The following DPYD variants were observed in gnomAD, a reference collection of about 807,000 sequenced individuals.
DPYD encodes the protein dihydropyrimidine dehydrogenase [NADP(+)].
In DPYD, 109 loss-of-function variants were observed where a neutral mutation model predicts 116.2. That is an observed-to-expected ratio of 0.94 (90% CI 0.80 to 1.10). The LOEUF is 1.10. Among genes scored for constraint, DPYD ranks in the 50% least tolerant of loss-of-function variants. The pLI, the probability that DPYD is intolerant of heterozygous loss-of-function variation, is 0.00. For missense variants in DPYD, 1,302 were observed against 1,254.5 expected, an observed-to-expected ratio of 1.04 and a Z score of -0.57; for synonymous variants, 440 against 432.0, an observed-to-expected ratio of 1.02 and a Z score of -0.23.
At chr1:97,351,836 T>TAAAAGGAAC (rs1670162490) in intron 16 of DPYD, among the ~76,000 whole-genome samples, 1 of 151,978 alleles carries the variant, frequency 6.6e-6, no homozygotes, top group Non-Finnish European at 1.5e-5. Context: ...GAAAAACATT[T>TAAAAGGAAC]AAAAGGAACA....
chr1:97,686,411 C>T (rs955167257), intron 7 of DPYD, among the ~76,000 whole-genome samples: 5 of 151,570 alleles, frequency 3.3e-5, no homozygotes, highest in African/African-American at 7.3e-5. Context: ...CCGAGGCGGG[C>T]GGATCACGAG....
chr1:97,819,911 A>G (rs200222124), intron 3 of DPYD, among the ~76,000 whole-genome samples: 1 of 152,128 alleles, frequency 6.6e-6, no homozygotes, highest in East Asian at 1.9e-4. Context: ...CACACATGTA[A>G]TATCTATATA....
At chr1:97,517,926 T>C (rs1425133304) in intron 12 of DPYD, among the ~76,000 whole-genome samples, 15 of 152,098 alleles carry the variant, frequency 9.9e-5, no homozygotes, top group Admixed American at 9.8e-4. Flanking sequence ...TTTTCAATCT[T>C]ACAGATGAAT....
intron 16 of DPYD, among the ~76,000 whole-genome samples, chr1:97,323,536 ATAT>A (rs1668502553): frequency 3.8e-5 from 5 of 132,664 alleles, no homozygotes; most frequent in African/African-American, 1.4e-4. Flanking sequence ...ATATATATAC[ATAT>A]CATATATATA....
chr1:97,500,308 C>G (rs940224889), intron 13 of DPYD, among the ~76,000 whole-genome samples: 1 of 151,946 alleles, frequency 6.6e-6, no homozygotes, highest in Non-Finnish European at 1.5e-5. Context: ...CATGACAAAA[C>G]TGCATAAACA....
chr1:97,424,398 A>G (rs1674750812), intron 14 of DPYD, among the ~76,000 whole-genome samples: 1 of 151,990 alleles, frequency 6.6e-6, no homozygotes, highest in Non-Finnish European at 1.5e-5. Flanking sequence ...TGGTCAGAAT[A>G]CTACTGGGAA....
At chr1:97,284,382 A>C (rs1665524749) in intron 18 of DPYD, among the ~76,000 whole-genome samples, 1 of 152,064 alleles carries the variant, frequency 6.6e-6, no homozygotes, top group Admixed American at 6.5e-5. Context: ...GTGATACTGA[A>C]ATTTTAGAAT....
intron 12 of DPYD, among the ~76,000 whole-genome samples, chr1:97,531,861 T>C (rs1443795070): frequency 2.0e-5 from 3 of 152,152 alleles, no homozygotes; most frequent in Non-Finnish European, 4.4e-5. Context: ...TATTCCTAAG[T>C]ACTTTATTCT....
chr1:97,132,982 T>C (rs1653449377), intron 20 of DPYD, among the ~76,000 whole-genome samples: 1 of 151,822 alleles, frequency 6.6e-6, no homozygotes, highest in Non-Finnish European at 1.5e-5. Flanking sequence ...ATGAATATTA[T>C]TTTTTTTGCT....
intron 1 of DPYD, among the ~76,000 whole-genome samples, chr1:97,907,129 A>T (rs892601535): frequency 1.3e-5 from 2 of 152,092 alleles, no homozygotes; most frequent in Non-Finnish European, 2.9e-5. Flanking sequence ...ACAATGAAAG[A>T]TTTCATCACA....
At chr1:97,802,262 T>A (rs897897191) in intron 3 of DPYD, among the ~76,000 whole-genome samples, 4 of 151,932 alleles carry the variant, frequency 2.6e-5, no homozygotes, top group Admixed American at 2.0e-4. Context: ...TATTTAATTA[T>A]GAACATATGA....
chr1:97,611,651 G>A (rs1349417946), intron 8 of DPYD, among the ~76,000 whole-genome samples: 2 of 151,970 alleles, frequency 1.3e-5, no homozygotes, highest in East Asian at 1.9e-4. Context: ...AATGCATCAC[G>A]TACTGTGCTA....
At chr1:97,412,115 AT>A (rs1454989079) in intron 14 of DPYD, among the ~76,000 whole-genome samples, 2 of 152,132 alleles carry the variant, frequency 1.3e-5, no homozygotes, top group African/African-American at 2.4e-5. Flanking sequence ...TCATTTCATA[AT>A]TTTTTTCTAA....
chr1:97,663,562 C>T (rs1456375629), intron 8 of DPYD, among the ~76,000 whole-genome samples: 4 of 152,164 alleles, frequency 2.6e-5, no homozygotes, highest in Non-Finnish European at 4.4e-5. Context: ...AAAAATCACC[C>T]AGTGCTGGTC....
At chr1:97,569,749 C>A (rs1023180545) in intron 11 of DPYD, among the ~76,000 whole-genome samples, 4 of 151,864 alleles carry the variant, frequency 2.6e-5, no homozygotes, top group Non-Finnish European at 4.4e-5. Flanking sequence ...AAATTGGACA[C>A]CATTGCCTTT....
rs542431782 is a variant in DPYD, at chr1:97,692,342, T to C, written c.681-544A>G. On this transcript the variant is annotated intron_variant, in intron 6 of 22. Coordinates refer to ENST00000370192, the MANE Select transcript of DPYD (RefSeq NM_000110.4). ...CCATGTGATCTATAGAACATTTTAG[T>C]CTTCTGTGAAAGCAATGAGTATTCC... Among the ~76,000 whole-genome samples, 8 of 152,026 alleles carry C rather than the reference T, an allele frequency of 5.3e-5. No individual in the cohort carries two copies. The East Asian group carries it at 1.2e-3, about 22-fold the overall frequency.
chr1:97,125,025 T>G (rs765865333), intron 20 of DPYD, among the ~76,000 whole-genome samples: 4 of 152,070 alleles, frequency 2.6e-5, no homozygotes, highest in Non-Finnish European at 4.4e-5. Flanking sequence ...TCAAAACTCT[T>G]TTTTTAGAAT....
At chr1:97,264,993 C>A (rs936230431) in intron 18 of DPYD, among the ~76,000 whole-genome samples, 3 of 135,016 alleles carry the variant, frequency 2.2e-5, no homozygotes, top group Non-Finnish European at 5.1e-5. Flanking sequence ...TTTGCCTTGT[C>A]CCTTCAATTT....
At chr1:97,224,720 CTT>C (rs79245859) in intron 19 of DPYD, among the ~76,000 whole-genome samples, 5 of 144,592 alleles carry the variant, frequency 3.5e-5, no homozygotes, top group Non-Finnish European at 3.1e-5. Flanking sequence ...AAGTAGTCAA[CTT>C]TTTTTTTTTT....
Sources: gnomAD v4.1 joint callset for allele counts (sites outside exome capture counted in the v4.1 genomes callset) on GRCh38, gnomAD v4.1.1 for gene constraint, MANE v1.5 for transcripts, NCBI Gene and HGNC (gene_info 2026-07-23, HGNC 2026-07-21) for gene names.